Variants in VARS2 observed in about 807,000 individuals in gnomAD.
The protein encoded by VARS2 is valyl-tRNA synthetase 2, mitochondrial.
A neutral mutation model predicts 154.1 loss-of-function variants in VARS2; 105 were observed. The ratio of observed to expected loss-of-function variants is 0.68; its 90% CI spans 0.58 to 0.80. The LOEUF (loss-of-function observed/expected upper bound fraction) is 0.80, where lower values mean the gene tolerates loss of function less well. Among genes scored for constraint, VARS2 ranks in the 30% least tolerant of loss-of-function variants. The pLI is 0.00. For missense variants in VARS2, 1,157 were observed against 1,361.4 expected (o/e 0.85, Z 2.36); for synonymous variants, 483 against 539.5 (o/e 0.90, Z 1.45).
rs1410779751 is a variant in VARS2, at chr6:30,923,404, G to A, written c.2365G>A (p.Ala789Thr). The change falls in exon 25 of 30, where the codon GCT (alanine) becomes ACT (threonine). Residue 789 changes from alanine to threonine, a missense_variant. Transcript: ENST00000676266. ...CTGGATCCTGAGCCGCCTTGCCCTG[G>A]CTGCCCAGGAGTGTGAGCGGGGCTT... ...DAWILSRLAL[A>T]AQECERGFLT... 3.7e-6 allele frequency: 6 copies of A among 1,612,202 alleles called. No individual in the cohort carries two copies. The Admixed American group carries it at 5.0e-5, about 13-fold the overall frequency.
In VARS2 at chr6:30,924,459, C is replaced by A; in HGVS notation, c.2572C>A (p.Pro858Thr). The A allele has an allele frequency of 6.2e-7, 1 of 1,612,518 alleles. No homozygotes were observed. Among genetic ancestry groups the A allele is most frequent in the Non-Finnish European group, 8.5e-7 (1 of 1,179,764 alleles). ...LGLRLLAPLM[P>T]FLAEELWQRL... is the part of the protein sequence containing the mutation. ...CCTCCGCCTCCTGGCCCCACTGATG[C>A]CCTTCCTGGCTGAAGAGCTCTGGCA... is the stretch of plus-strand genomic sequence containing the variant. The change falls in exon 26 of 30, where the codon CCC becomes ACC. Residue 858 changes from proline (P) to threonine (T), a missense_variant. By Grantham distance (38) the Pro-to-Thr change is conservative. Coordinates refer to ENST00000676266, the MANE Select transcript of VARS2 (RefSeq NM_020442.6).
chr6:30,925,770 G>A, intron 28 of VARS2, 51 bp downstream of exon 28: 1 of 1,610,576 alleles, frequency 6.2e-7, no homozygotes, highest in Non-Finnish European at 8.5e-7. Flanking sequence ...AGCATGCTGG[G>A]AGGAAGGGAG....
rs1420486254 is a variant in VARS2, at chr6:30,922,136, C to T, written c.1827C>T (p.Phe609=). The change falls in exon 20 of 30, where the codon TTC becomes TTT. Residue 609 remains phenylalanine (F), a synonymous_variant. Coordinates refer to ENST00000676266, the MANE Select transcript of VARS2 (RefSeq NM_020442.6). ...CCTAGACCCCAGACCTTGCTCGTTT[C>T]TACCCCCTGTCACTTTTGGAAACGG... ...WPQETPDLAR[F]YPLSLLETGS... 1 of 1,612,816 alleles carries T rather than the reference C, an allele frequency of 6.2e-7. No individual in the cohort carries two copies. The highest frequency in any genetic ancestry group is 1.7e-5 in the Admixed American group (1 of 59,998).
intron 11 of VARS2, 67 bp downstream of exon 11, chr6:30,918,982 A>T: frequency 1.4e-6 from 2 of 1,433,990 alleles, no homozygotes; most frequent in Non-Finnish European, 2.0e-6. Context: ...CTTGGGTTTT[A>T]AATGGTGGCT....
chr6:30,922,444 C>T lies in VARS2; in HGVS notation c.1933-6C>T, dbSNP rs1388430785. ...CCCCCCTCTGTTGACCCCTCCCTGC[C>T]CCCAGGTGCTTCTTCATCCCATGGT... is the stretch of plus-strand genomic sequence containing the variant. On this transcript the variant is annotated splice_region_variant and splice_polypyrimidine_tract_variant and intron_variant, in intron 20 of 29. Coordinates refer to ENST00000676266, the MANE Select transcript of VARS2 (RefSeq NM_020442.6). 1.2e-6 allele frequency: 2 copies of T among 1,607,688 alleles called. No individual in the cohort carries two copies. Among genetic ancestry groups the T allele is most frequent in the South Asian group, 1.1e-5 (1 of 90,322 alleles).
chr6:30,917,352 C>A lies in VARS2; in HGVS notation c.873+128C>A. On this transcript the variant is annotated intron_variant, in intron 9 of 29. Transcript: ENST00000676266. The surrounding 1 kb of genome is among the most constrained non-coding windows in gnomAD (Gnocchi z 4.4). ...ATGCCTGCCTGTTACAGCTGTGTGG[C>A]TTTTGGCAGGCCGTTTAGTCTCTTT... is the stretch of plus-strand genomic sequence containing the variant. The A allele has an allele frequency of 6.8e-7, 1 of 1,464,738 alleles. No homozygotes were observed. Among genetic ancestry groups the A allele is most frequent in the Admixed American group, 1.8e-5 (1 of 57,108 alleles). The allele number at this position is 1,464,738 out of a possible 1,614,324, so 90.7% of individuals were successfully genotyped here. A position where few individuals can be genotyped will look rare whatever the true frequency, so the allele number is the denominator to read the frequency against.
Position 30,915,190 on chromosome 6 carries a change from A to C in VARS2, c.236A>C (p.Lys79Thr). The C allele has an allele frequency of 1.2e-6, 2 of 1,614,240 alleles. No individual in the cohort carries two copies. The change falls in exon 3 of 30, where the codon AAG (lysine) becomes ACG (threonine). Residue 79 changes from lysine to threonine, a missense_variant. Physicochemically the swap from Lys to Thr is moderately conservative, Grantham distance 78. Coordinates refer to ENST00000676266, the MANE Select transcript of VARS2 (RefSeq NM_020442.6). ...PAESIKAWRP[K>T]ELVLYEIPTK... The stretch of plus-strand genomic sequence containing the variant: ...GAATCCATTAAGGCCTGGAGGCCTA[A>C]GGAGTTAGTATTGTATGAAATCCCT...
rs2249464 is a variant in VARS2, at chr6:30,920,384, T to C, written c.1345T>C (p.Trp449Arg). The C allele has an allele frequency of 0.54, 877,067 of 1,610,380 alleles. 245,783 individuals carry two copies. Among genetic ancestry groups the C allele is most frequent in the East Asian group, 0.81 (36,288 of 44,842 alleles). The part of the protein sequence containing the change: ...REKIMSVLSE[W>R]GLFRGLQNHP... ...AAAGATAATGTCTGTGCTGAGTGAA[T>C]GGGGCCTGTTCCGGGGCCTCCAGAA... is the stretch of plus-strand genomic sequence containing the variant. The change falls in exon 14 of 30, where the codon TGG becomes CGG. Residue 449 changes from tryptophan to arginine, a missense_variant. Physicochemically the swap from Trp to Arg is moderately radical, Grantham distance 101. Coordinates refer to ENST00000676266, the MANE Select transcript of VARS2 (RefSeq NM_020442.6). This position sits in a 1 kb window ranked among gnomAD's most constrained non-coding sequence, Gnocchi z 4.6.
rs548741773 is a variant in VARS2 at position 30,915,180 on chromosome 6, T to C, written c.226T>C (p.Trp76Arg). Residue 76 changes from tryptophan to arginine, a missense_variant, in exon 3 of 30, where the codon TGG (tryptophan) becomes CGG (arginine). Transcript: ENST00000676266. ...GTCACCTGCAGAATCCATTAAGGCCTGGAGGCCTAAGGAGTTAGTATTGTA... is the reference window on the plus strand; with the variant it reads ...GTCACCTGCAGAATCCATTAAGGCCCGGAGGCCTAAGGAGTTAGTATTGTA... ...SKSPAESIKAWRPKELVLYEI... is the reference protein window; with the variant it reads ...SKSPAESIKARRPKELVLYEI... 23 of 1,614,078 alleles carry C rather than the reference T, an allele frequency of 1.4e-5. No homozygotes were observed. In the South Asian group the frequency reaches 1.6e-4, roughly 12 times the overall value.
rs1171947905 is a variant in VARS2 at position 30,921,150 on chromosome 6, A to G, written c.1556+9A>G. On this transcript the variant is annotated intron_variant, in intron 16 of 29. Coordinates refer to ENST00000676266, the MANE Select transcript of VARS2 (RefSeq NM_020442.6). The surrounding 1 kb of genome is among the most constrained non-coding windows in gnomAD (Gnocchi z 4.6). ...TGGTTTTCCCATATTGGGTAAGGGTAGGGTAAGGGGAGCTCTTGTGGAGAT... is the reference window on the plus strand; with the variant it reads ...TGGTTTTCCCATATTGGGTAAGGGTGGGGTAAGGGGAGCTCTTGTGGAGAT... 1.2e-6 allele frequency: 2 copies of G among 1,613,804 alleles called. No homozygotes were observed. Among genetic ancestry groups the G allele is most frequent in the Non-Finnish European group, 1.7e-6 (2 of 1,179,846 alleles).
In VARS2 at chr6:30,919,053, CCCT is replaced by C. The variant is rs1794348107; in HGVS notation, c.1074+146_1074+148del. 5 of 736,858 alleles carry C rather than the reference CCCT, an allele frequency of 6.8e-6. No homozygotes were observed. In the Admixed American group the frequency reaches 1.3e-4, roughly 19 times the overall value. 45.6% of individuals were successfully genotyped at this position (736,858 alleles called of 1,614,324 possible). ...TTCTCTCAGTGGTTCTGATTGGACTCCCTCCTCCTCTTATAGTTTTTCTGTAGC... is the reference window on the plus strand; with the variant it reads ...TTCTCTCAGTGGTTCTGATTGGACTCCCTCCTCTTATAGTTTTTCTGTAGC... On this transcript the variant is annotated intron_variant, in intron 11 of 29. Coordinates refer to ENST00000676266, the MANE Select transcript of VARS2 (RefSeq NM_020442.6). This position sits in a 1 kb window ranked among gnomAD's most constrained non-coding sequence, Gnocchi z 4.5.
In VARS2 at chr6:30,922,733, A is replaced by T. The variant is rs761535299; in HGVS notation, c.2065A>T (p.Asn689Tyr). The change falls in exon 22 of 30, where the codon AAT becomes TAT. Residue 689 changes from asparagine to tyrosine, a missense_variant. Asn to Tyr is a moderately radical substitution (Grantham distance 143, BLOSUM62 -2). Transcript: ENST00000676266. ...QVLQEKLRSG[N>Y]LDPAELAIVA... Reference sequence around the variant, plus strand: ...GCTGCAGGAAAAGCTGAGAAGCGGAAATTTGGACCCTGCAGAGCTGGCCAT... The same window carrying T: ...GCTGCAGGAAAAGCTGAGAAGCGGATATTTGGACCCTGCAGAGCTGGCCAT... 2 of 1,612,760 alleles carry T rather than the reference A, an allele frequency of 1.2e-6. No individual in the cohort carries two copies. The highest frequency in any genetic ancestry group is 1.7e-6 in the Non-Finnish European group (2 of 1,179,908).
chr6:30,915,562 C>T, intron 4 of VARS2, 107 bp downstream of exon 4: 4 of 1,444,218 alleles, frequency 2.8e-6, no homozygotes, highest in Non-Finnish European at 3.8e-6. Flanking sequence ...TGTCTTCTTT[C>T]TGGCTCTGGT....
chr6:30,918,622 C>A, intron 10 of VARS2: 1 of 673,950 alleles, frequency 1.5e-6, no homozygotes, highest in Non-Finnish European at 2.4e-6. Flanking sequence ...ACCAGAGACC[C>A]TCTCAGACCT....
Position 30,919,737 on chromosome 6 carries a change from A to G in VARS2, c.1075-21A>G. ...CAACCCTCACAGGTGCCTGTCCTTG[A>G]TCCCTCTCCCTTCCCTTCAGCATCT... On this transcript the variant is annotated intron_variant, in intron 11 of 29. Coordinates refer to ENST00000676266, the MANE Select transcript of VARS2 (RefSeq NM_020442.6). This position sits in a 1 kb window ranked among gnomAD's most constrained non-coding sequence, Gnocchi z 4.5. The G allele has an allele frequency of 6.5e-7, 1 of 1,531,448 alleles. No homozygotes were observed. 94.9% of individuals were successfully genotyped at this position (1,531,448 alleles called of 1,614,324 possible).
Position 30,921,985 on chromosome 6 carries a change from G to A in VARS2, c.1796G>A (p.Trp599Ter), listed in dbSNP as rs1284692347. 18 of 1,612,872 alleles carry A rather than the reference G, an allele frequency of 1.1e-5. No individual in the cohort carries two copies. The Admixed American group carries it at 3.0e-4, about 27-fold the overall frequency. ...CTGTTCCCCTTTTCTGCCCTGGGCT[G>A]GCCCCAAGAGGTGAGGTGGGTTGAG... is the stretch of plus-strand genomic sequence containing the variant. ...SALFPFSALG[W>*]PQETPDLARF... The change falls in exon 19 of 30, where the codon TGG (tryptophan) becomes TAG (stop). Residue 599 changes from tryptophan (W) to a stop codon, truncating the protein, a stop_gained. Transcript: ENST00000676266. LOFTEE classifies it high-confidence loss of function. This position sits in a 1 kb window ranked among gnomAD's most constrained non-coding sequence, Gnocchi z 4.6.
At chr6:30,925,451 G>C in intron 27 of VARS2, 66 bp downstream of exon 27, 1 of 1,569,946 alleles carries the variant, frequency 6.4e-7, no homozygotes, top group Admixed American at 1.8e-5. Context: ...GAAAAGAGCA[G>C]AGCCTGAAGG....
Position 30,921,785 on chromosome 6 carries a change from G to C in VARS2, c.1735+94G>C. ...ACAGATCCCAAGATACAGAAGGTAGGGTCAGGAAAGTTGGGAATGGAGCCA... is the reference window on the plus strand; with the variant it reads ...ACAGATCCCAAGATACAGAAGGTAGCGTCAGGAAAGTTGGGAATGGAGCCA... On this transcript the variant is annotated intron_variant, in intron 18 of 29. Transcript: ENST00000676266. The surrounding 1 kb of genome is among the most constrained non-coding windows in gnomAD (Gnocchi z 4.6). The C allele has an allele frequency of 6.5e-7, 1 of 1,539,278 alleles. No individual in the cohort carries two copies. The highest frequency in any genetic ancestry group is 8.8e-7 in the Non-Finnish European group (1 of 1,132,102).
Position 30,919,114 on chromosome 6 carries a change from T to G in VARS2, c.1074+199T>G. The stretch of plus-strand genomic sequence containing the variant: ...TTGACAAACTGGCCCATGGTCCTAA[T>G]CCAGCTTGCGGCCTTTTTTTTTGAG... On this transcript the variant is annotated intron_variant, in intron 11 of 29. Coordinates refer to ENST00000676266, the MANE Select transcript of VARS2 (RefSeq NM_020442.6). This position sits in a 1 kb window ranked among gnomAD's most constrained non-coding sequence, Gnocchi z 4.5. 1 of 558,978 alleles carries G rather than the reference T, an allele frequency of 1.8e-6. No homozygotes were observed. Among genetic ancestry groups the G allele is most frequent in the South Asian group, 2.4e-5 (1 of 42,012 alleles). 34.6% of individuals were successfully genotyped at this position (558,978 alleles called of 1,614,324 possible). A position where few individuals can be genotyped will look rare whatever the true frequency, so the allele number is the denominator to read the frequency against.
Sources: gnomAD v4.1 joint callset for allele counts on GRCh38, gnomAD v4.1.1 for gene constraint, Gnocchi (gnomAD v3.1) non-coding constraint, MANE v1.5 for transcripts, NCBI Gene and HGNC (gene_info 2026-07-23, HGNC 2026-07-21) for gene names.